PABIR2: variants seen among roughly 807,000 people sequenced by gnomAD.
The protein encoded by PABIR2 is family with sequence similarity 122B.
In PABIR2, 7 loss-of-function variants were observed where a neutral mutation model predicts 22.8. The observed-to-expected ratio is 0.31, with a 90% CI of 0.17 to 0.58. The LOEUF is 0.58. Among genes scored for constraint, PABIR2 ranks in the 20% least tolerant of loss-of-function variants. The pLI, the probability that PABIR2 is intolerant of heterozygous loss-of-function variation, is 0.89. For missense variants in PABIR2, 155 were observed against 205.1 expected (o/e 0.76, Z 1.49); for synonymous variants, 67 against 73.8 (o/e 0.91, Z 0.47).
At chrX:134,782,220 G>A (rs1056582621) in intron 8 of PABIR2, among the ~76,000 whole-genome samples, 6 of 111,814 alleles carry the variant, frequency 5.4e-5, no homozygotes, top group Non-Finnish European at 9.4e-5. Context: ...CCACAGTAGA[G>A]ATAAGGAATT....
chrX:134,785,121 A>C (rs1005756174), intron 8 of PABIR2, among the ~76,000 whole-genome samples: 11 of 112,237 alleles, frequency 9.8e-5, no homozygotes, highest in Middle Eastern at 4.2e-3. Context: ...GAATATATGA[A>C]TAAAACTGTT....
intron 1 of PABIR2, 81 bp downstream of exon 1, chrX:134,796,027 G>A: frequency 3.1e-6 from 3 of 962,911 alleles, no homozygotes; most frequent in South Asian, 4.2e-5. Context: ...GCTCAAACGT[G>A]CACTTTAAGG....
intron 6 of PABIR2, among the ~76,000 whole-genome samples, chrX:134,788,477 A>G (rs1442086065): frequency 3.8e-5 from 4 of 106,539 alleles, no homozygotes; most frequent in Non-Finnish European, 7.7e-5. Context: ...TGTTATATAT[A>G]CGTTATATAT....
chrX:134,785,441 A>C (rs917009003), intron 8 of PABIR2, among the ~76,000 whole-genome samples: 1 of 110,333 alleles, frequency 9.1e-6, no homozygotes, highest in African/African-American at 3.3e-5. Flanking sequence ...TGATGATCAC[A>C]GTCAATTTTT....
chrX:134,782,744 G>A (rs2079190292), intron 8 of PABIR2, among the ~76,000 whole-genome samples: 1 of 112,087 alleles, frequency 8.9e-6, no homozygotes, highest in African/African-American at 3.2e-5. Context: ...TAGAAAATTA[G>A]TAACTTTGAA....
At chrX:134,794,480 G>C (rs1165193560) in intron 1 of PABIR2, among the ~76,000 whole-genome samples, 1 of 110,848 alleles carries the variant, frequency 9.0e-6, no homozygotes, top group Non-Finnish European at 1.9e-5. Flanking sequence ...CATCCATCTT[G>C]AATGCCATAC....
chrX:134,781,468 T>G (rs2079154873), intron 9 of PABIR2, among the ~76,000 whole-genome samples: 2 of 111,942 alleles, frequency 1.8e-5, no homozygotes, highest in African/African-American at 6.5e-5. Flanking sequence ...CTGTAATAAT[T>G]TTTAAAAATC....
chrX:134,780,986 T>C (rs1391134110), intron 9 of PABIR2, among the ~76,000 whole-genome samples: 1 of 112,762 alleles, frequency 8.9e-6, no homozygotes, highest in Non-Finnish European at 1.9e-5. Flanking sequence ...CAGAGAATAC[T>C]ATGCTTAAGA....
chrX:134,796,082 A>G, intron 1 of PABIR2, 26 bp downstream of exon 1: 3 of 1,183,357 alleles, frequency 2.5e-6, no homozygotes, highest in Non-Finnish European at 3.4e-6. Flanking sequence ...TGAATCCTGT[A>G]CTCCATCCTC....
chrX:134,771,431 A>G lies in PABIR2; in HGVS notation c.*708T>C, dbSNP rs1275593584. 1 of 1,108,507 alleles carries G rather than the reference A, an allele frequency of 9.0e-7. No homozygotes were observed. Among genetic ancestry groups the G allele is most frequent in the African/African-American group, 1.9e-5 (1 of 53,433 alleles). 91.4% of individuals were successfully genotyped at this position (1,108,507 alleles called of 1,213,427 possible). On this transcript the variant is annotated 3_prime_UTR_variant, in exon 10 of 10. Coordinates refer to ENST00000343004, the MANE Select transcript of PABIR2 (RefSeq NM_001387468.1). ...AGAAATATATCAACTGTGGTAGCAAAGTCATAAGAACCTGTGATGACTAAT... is the reference window on the plus strand; with the variant it reads ...AGAAATATATCAACTGTGGTAGCAAGGTCATAAGAACCTGTGATGACTAAT...
At chrX:134,778,174 G>A (rs1454242485) in intron 9 of PABIR2, among the ~76,000 whole-genome samples, 1 of 102,002 alleles carries the variant, frequency 9.8e-6, no homozygotes, top group Non-Finnish European at 2.0e-5. Context: ...GATTACAGGC[G>A]TGAGCCACCG....
chrX:134,783,213 A>C (rs2079203751), intron 8 of PABIR2, among the ~76,000 whole-genome samples: 1 of 112,603 alleles, frequency 8.9e-6, no homozygotes. Context: ...CTTATAAACT[A>C]AATACAAATA....
At chrX:134,778,492 G>A (rs1281719655) in intron 9 of PABIR2, among the ~76,000 whole-genome samples, 8 of 77,181 alleles carry the variant, frequency 1.0e-4, no homozygotes, top group African/African-American at 2.2e-4. Context: ...CAACCAGAGC[G>A]AAACTCCGTC....
chrX:134,784,903 A>T (rs765078591), intron 8 of PABIR2, among the ~76,000 whole-genome samples: 10 of 111,183 alleles, frequency 9.0e-5, no homozygotes, highest in Non-Finnish European at 1.7e-4. Flanking sequence ...TATATAAAAA[A>T]CTCCATAGAA....
intron 9 of PABIR2, among the ~76,000 whole-genome samples, chrX:134,774,831 T>C (rs2078924924): frequency 8.9e-6 from 1 of 112,451 alleles, no homozygotes; most frequent in Non-Finnish European, 1.9e-5. Flanking sequence ...CTGTTTGAAT[T>C]AATCTGGTAC....
intron 1 of PABIR2, among the ~76,000 whole-genome samples, chrX:134,795,284 T>C (rs1184162235): frequency 8.9e-6 from 1 of 112,064 alleles, no homozygotes. Context: ...TTTGGCTAAT[T>C]GTACTCTCAT....
At chrX:134,794,605 C>A in intron 1 of PABIR2, among the ~76,000 whole-genome samples, 1 of 112,190 alleles carries the variant, frequency 8.9e-6, no homozygotes, top group Non-Finnish European at 1.9e-5. Flanking sequence ...GAGACACCTA[C>A]TTTGTCTCTT....
intron 2 of PABIR2, among the ~76,000 whole-genome samples, chrX:134,792,932 G>A (rs1341825286): frequency 8.9e-6 from 1 of 111,979 alleles, no homozygotes; most frequent in Non-Finnish European, 1.9e-5. Context: ...GTACTAACAG[G>A]CTCTTAGCCC....
intron 9 of PABIR2, among the ~76,000 whole-genome samples, chrX:134,775,518 CAAAAAAAAAAAAA>C (rs773542327): frequency 7.9e-5 from 2 of 25,238 alleles, no homozygotes; most frequent in East Asian, 2.5e-3. Flanking sequence ...GACTCCGTCT[CAAAAAAAAAAAAA>C]AAAAAAAAAA....
Sources: gnomAD v4.1 joint callset for allele counts (sites outside exome capture counted in the v4.1 genomes callset) on GRCh38, gnomAD v4.1.1 for gene constraint, MANE v1.5 for transcripts, NCBI Gene and HGNC (gene_info 2026-07-23, HGNC 2026-07-21) for gene names.